L3HYPDH: variants seen among roughly 807,000 people sequenced by gnomAD.
The protein encoded by L3HYPDH is trans-3-hydroxy-L-proline dehydratase.
Under a neutral mutation model 26.5 loss-of-function variants are expected in L3HYPDH, and 32 were observed. The observed-to-expected ratio is 1.21, with a 90% CI of 0.91 to 1.62. L3HYPDH has a LOEUF of 1.62. Ranked by LOEUF, L3HYPDH falls within the 40% of genes most tolerant of loss-of-function variation. L3HYPDH has a pLI of 0.00. For missense variants in L3HYPDH, 554 were observed against 476.4 expected, an observed-to-expected ratio of 1.16 and a Z score of -1.52; for synonymous variants, 215 against 196.6, an observed-to-expected ratio of 1.09 and a Z score of -0.78.
downstream of L3HYPDH, among the ~76,000 whole-genome samples, chr14:59,470,510 G>T (rs1204101327): frequency 6.6e-6 from 1 of 152,166 alleles, no homozygotes. Context: ...GATGGGCCTG[G>T]GCCCATACAA....
intron 1 of L3HYPDH, 41 bp downstream of exon 1, chr14:59,483,768 G>C (rs765836734): frequency 1.3e-6 from 2 of 1,581,392 alleles, no homozygotes; most frequent in Non-Finnish European, 1.7e-6. Context: ...TCGCGTCCCG[G>C]TTGCAGCTCT....
chr14:59,502,755 T>TGTTTTGTTTTGTTTTTTTGTTTTG, the L3HYPDH span, among the ~76,000 whole-genome samples: 350 of 122,950 alleles, frequency 2.8e-3, 9 homozygotes, highest in African/African-American at 8.6e-3. Flanking sequence ...ATGAGATTTT[T>TGTTTTGTTTTGTTTTTTTGTTTTG]TTTTTTTTTT....
chr14:59,490,043 C>T, the L3HYPDH span, among the ~76,000 whole-genome samples: 1 of 152,108 alleles, frequency 6.6e-6, no homozygotes, highest in South Asian at 2.1e-4. Context: ...CCATCTCAGC[C>T]TTCCAAGTAG....
intron 1 of L3HYPDH, among the ~76,000 whole-genome samples, chr14:59,482,671 C>A (rs1890110982): frequency 1.3e-5 from 2 of 152,196 alleles, no homozygotes; most frequent in Non-Finnish European, 2.9e-5. Flanking sequence ...CAGAGGCATT[C>A]TTCGTTAACT....
rs897889716 is a variant in L3HYPDH, at chr14:59,483,438, T to C, written c.508+371A>G. ...CTACCAAGCATATTCTCAGCCAGCC[T>C]GGAACCCTGGTACATTGGCTGTTCT... On this transcript the variant is annotated intron_variant, in intron 1 of 4. Coordinates refer to ENST00000247194, the MANE Select transcript of L3HYPDH (RefSeq NM_144581.2). 2.9e-6 allele frequency: 3 copies of C among 1,041,338 alleles called. No individual in the cohort carries two copies. In the African/African-American group the frequency reaches 5.1e-5, roughly 18 times the overall value. The allele number at this position is 1,041,338 out of a possible 1,614,324, so 64.5% of individuals were successfully genotyped here. A position where few individuals can be genotyped will look rare whatever the true frequency, so the allele number is the denominator to read the frequency against.
chr14:59,469,319 C>T (rs1889258179), downstream of L3HYPDH, among the ~76,000 whole-genome samples: 1 of 151,878 alleles, frequency 6.6e-6, no homozygotes, highest in African/African-American at 2.4e-5. Context: ...CTTTGGGAGG[C>T]CAAGGTGGGT....
At chr14:59,487,618 G>T (rs1000915779), upstream of L3HYPDH, 2 of 1,288,994 alleles carry the variant, frequency 1.6e-6, no homozygotes, top group South Asian at 1.2e-5. Flanking sequence ...ATTTGGGGGG[G>T]TGTTAATGTT....
intron 1 of L3HYPDH, among the ~76,000 whole-genome samples, chr14:59,480,036 C>T (rs1889903453): frequency 1.3e-5 from 2 of 152,270 alleles, no homozygotes; most frequent in South Asian, 4.1e-4. Context: ...AGAAAGGGGG[C>T]TGGGTGATGT....
downstream of L3HYPDH, among the ~76,000 whole-genome samples, chr14:59,467,979 T>G (rs1243259556): frequency 2.6e-5 from 4 of 152,232 alleles, no homozygotes; most frequent in East Asian, 3.9e-4. Context: ...CATCCTCTCT[T>G]TGGACTACTG....
At chr14:59,504,233 C>T in the L3HYPDH span, 3 of 611,298 alleles carry the variant, frequency 4.9e-6, no homozygotes, top group African/African-American at 1.9e-5. Flanking sequence ...GTTAGACTTA[C>T]AGACTTGGAA....
At chr14:59,494,220 G>A in the L3HYPDH span, among the ~76,000 whole-genome samples, 1 of 151,884 alleles carries the variant, frequency 6.6e-6, no homozygotes, top group Admixed American at 6.6e-5. Context: ...AAAGCCTGGT[G>A]TATTAAAATT....
Position 59,484,333 on chromosome 14 carries a change from G to A in L3HYPDH, c.-17C>T, listed in dbSNP as rs373253213. 2.5e-5 allele frequency: 40 copies of A among 1,569,278 alleles called. No homozygotes were observed. The African/African-American group carries it at 5.4e-4, about 21-fold the overall frequency. On this transcript the variant is annotated 5_prime_UTR_variant, in exon 1 of 5. Transcript: ENST00000247194. Reference sequence around the variant, plus strand: ...GCTCTCCATGGTCTGCGTCGGGGGAGACGAGTACGGTCCCGCAGCTATGGC... The same window carrying A: ...GCTCTCCATGGTCTGCGTCGGGGGAAACGAGTACGGTCCCGCAGCTATGGC...
chr14:59,504,349 G>T, the L3HYPDH span: 6 of 369,694 alleles, frequency 1.6e-5, no homozygotes, highest in South Asian at 1.1e-4. Context: ...TGTTCTTTAG[G>T]GCAAAATCAT....
downstream of L3HYPDH, among the ~76,000 whole-genome samples, chr14:59,468,897 G>T (rs1889252097): frequency 1.3e-5 from 2 of 152,168 alleles, no homozygotes; most frequent in Non-Finnish European, 2.9e-5. Context: ...ATAGATTAGG[G>T]TAGGTAGTAT....
At chr14:59,485,249 G>T, upstream of L3HYPDH, 2 of 880,018 alleles carry the variant, frequency 2.3e-6, no homozygotes, top group South Asian at 3.7e-5. Context: ...CCATACAGAA[G>T]TTTCCAATTC....
At chr14:59,499,508 A>G in the L3HYPDH span, among the ~76,000 whole-genome samples, 1 of 152,222 alleles carries the variant, frequency 6.6e-6, no homozygotes, top group Non-Finnish European at 1.5e-5. Context: ...TCATTTGTTT[A>G]GTAACCATTT....
chr14:59,467,040 T>G (rs563885206), intron 1 of L3HYPDH, among the ~76,000 whole-genome samples: 404 of 152,282 alleles, frequency 2.7e-3, no homozygotes, highest in Non-Finnish European at 4.7e-3. Context: ...CTTCTCAGAT[T>G]GTGCTTAGTT....
chr14:59,474,037 A>G (rs941052062), intron 4 of L3HYPDH, among the ~76,000 whole-genome samples: 1 of 152,232 alleles, frequency 6.6e-6, no homozygotes, highest in African/African-American at 2.4e-5. Context: ...CTAATTTTTA[A>G]AAGAATAATA....
chr14:59,499,756 T>TAC, the L3HYPDH span, among the ~76,000 whole-genome samples: 5 of 152,300 alleles, frequency 3.3e-5, no homozygotes, highest in Admixed American at 2.0e-4. Flanking sequence ...GGCTTGAGGG[T>TAC]AAGACCAAGG....
Sources: allele counts gnomAD v4.1 joint callset (sites outside exome capture counted in the v4.1 genomes callset), GRCh38; gene constraint gnomAD v4.1.1; transcripts MANE v1.5; gene names NCBI Gene and HGNC (gene_info 2026-07-23, HGNC 2026-07-21).